HS3ST5: variants seen among roughly 807,000 people sequenced by gnomAD.
HS3ST5 encodes heparan sulfate glucosamine 3-O-sulfotransferase 5.
A neutral mutation model predicts 25.4 loss-of-function variants in HS3ST5; 10 were observed. The observed-to-expected ratio is 0.39, with a 90% confidence interval of 0.24 to 0.67. The LOEUF (loss-of-function observed/expected upper bound fraction) is 0.67. Ranked by LOEUF, HS3ST5 falls within the 30% of genes least tolerant of loss-of-function variation. HS3ST5 has a pLI of 0.44. For missense variants in HS3ST5, 324 were observed against 420.7 expected (o/e 0.77, Z 2.01); for synonymous variants, 170 against 162.4 (o/e 1.05, Z -0.36).
chr6:114,336,315 T>A (rs1411289986), intron 1 of HS3ST5, among the ~76,000 whole-genome samples: 2 of 152,164 alleles, frequency 1.3e-5, no homozygotes, highest in African/African-American at 4.8e-5. Context: ...TAGATAAAAT[T>A]ACTAAGAATT....
At chr6:114,132,637 A>G (rs77572141) in intron 3 of HS3ST5, among the ~76,000 whole-genome samples, 8,802 of 152,310 alleles carry the variant, frequency 0.058, 311 homozygotes, top group Non-Finnish European at 0.08. Context: ...AAGTGAAACA[A>G]AGGTTTTGGC....
intron 3 of HS3ST5, among the ~76,000 whole-genome samples, chr6:114,156,992 G>A (rs1413209768): frequency 2.0e-5 from 3 of 152,104 alleles, no homozygotes; most frequent in East Asian, 3.9e-4. Context: ...TGAACTCAAC[G>A]CTATTTATTC....
chr6:114,230,456 C>A (rs564136325), intron 1 of HS3ST5: 11 of 152,150 alleles, frequency 7.2e-5, no homozygotes, highest in African/African-American at 2.6e-4. Context: ...TACTATCTTC[C>A]CTTCATAAAT....
intron 3 of HS3ST5, among the ~76,000 whole-genome samples, chr6:114,141,247 A>T (rs1358843984): frequency 6.6e-6 from 1 of 152,234 alleles, no homozygotes; most frequent in Admixed American, 6.5e-5. Flanking sequence ...CAACGATTGA[A>T]ATGTAATCAC....
intron 3 of HS3ST5, among the ~76,000 whole-genome samples, chr6:114,099,240 A>G (rs1233104865): frequency 6.6e-6 from 1 of 152,168 alleles, no homozygotes; most frequent in African/African-American, 2.4e-5. Flanking sequence ...TGTTTTAAGA[A>G]GTACAAGTTA....
At chr6:114,139,818 G>A (rs1298020866) in intron 3 of HS3ST5, among the ~76,000 whole-genome samples, 3 of 152,170 alleles carry the variant, frequency 2.0e-5, no homozygotes, top group African/African-American at 7.2e-5. Flanking sequence ...GGAAATGGCA[G>A]TTACAAAATT....
chr6:114,284,856 C>G (rs973004201), intron 1 of HS3ST5, among the ~76,000 whole-genome samples: 1 of 151,796 alleles, frequency 6.6e-6, no homozygotes, highest in African/African-American at 2.4e-5. Context: ...AATTATTAAA[C>G]TTAATAAAAT....
chr6:114,340,601 A>G (rs1266491439), intron 1 of HS3ST5: 1 of 152,188 alleles, frequency 6.6e-6, no homozygotes, highest in Non-Finnish European at 1.5e-5. Context: ...GCAATGACCA[A>G]ACAGAGAGAG....
chr6:114,176,588 T>G (rs2115014902), intron 2 of HS3ST5, among the ~76,000 whole-genome samples: 1 of 152,290 alleles, frequency 6.6e-6, no homozygotes, highest in South Asian at 2.1e-4. Flanking sequence ...CAGGTTTAGA[T>G]GTCATTCAAC....
chr6:114,168,329 T>G (rs1200582912), intron 3 of HS3ST5, 22 bp downstream of exon 3: 3 of 152,150 alleles, frequency 2.0e-5, no homozygotes, highest in African/African-American at 7.2e-5. Context: ...CGAGAGCACG[T>G]AGAAGTCTTC....
At chr6:114,318,029 G>C (rs948760439) in intron 1 of HS3ST5, among the ~76,000 whole-genome samples, 1 of 151,994 alleles carries the variant, frequency 6.6e-6, no homozygotes, top group South Asian at 2.1e-4. Flanking sequence ...TAGCTCTTAC[G>C]CATACAACTG....
rs532290263 is a variant in HS3ST5, at chr6:114,205,900, G to A, written c.-145+22685C>T. On this transcript the variant is annotated intron_variant, in intron 2 of 4. Coordinates refer to ENST00000312719, the MANE Select transcript of HS3ST5 (RefSeq NM_153612.4). ...CAGGAGGTGGAGCTCAGGAGGTAAT[G>A]TTCACTTTCCCACCCCAAACCCCCA... Among the ~76,000 whole-genome samples the A allele has an allele frequency of 7.0e-4, 107 of 152,242 alleles. No homozygotes were observed. In the Middle Eastern group the frequency reaches 0.017, roughly 24 times the overall value.
At chr6:114,140,893 T>G (rs1777871520) in intron 3 of HS3ST5, among the ~76,000 whole-genome samples, 1 of 152,220 alleles carries the variant, frequency 6.6e-6, no homozygotes, top group South Asian at 2.1e-4. Context: ...TTTATTTCTT[T>G]CTGCTTCAGT....
At chr6:114,141,399 T>C (rs1777892146) in intron 3 of HS3ST5, among the ~76,000 whole-genome samples, 1 of 152,336 alleles carries the variant, frequency 6.6e-6, no homozygotes, top group East Asian at 1.9e-4. Context: ...AAATTCCATG[T>C]AATATTTATA....
chr6:114,146,377 G>A (rs1778163157), intron 3 of HS3ST5, among the ~76,000 whole-genome samples: 1 of 152,218 alleles, frequency 6.6e-6, no homozygotes, highest in South Asian at 2.1e-4. Context: ...GAAAGTAGAA[G>A]TCTGGCCCAT....
chr6:114,066,967 G>A (rs1018823671), intron 3 of HS3ST5, among the ~76,000 whole-genome samples: 13 of 152,196 alleles, frequency 8.5e-5, no homozygotes. Flanking sequence ...TGAGGTCCCA[G>A]TGTGGACAGT....
At chr6:114,215,969 C>G (rs1029582085) in intron 2 of HS3ST5, among the ~76,000 whole-genome samples, 8 of 152,122 alleles carry the variant, frequency 5.3e-5, no homozygotes, top group East Asian at 1.9e-4. Flanking sequence ...ATTTCAGTTC[C>G]ATACTGCATC....
At chr6:114,321,402 A>G (rs984282499) in intron 1 of HS3ST5, among the ~76,000 whole-genome samples, 2 of 152,128 alleles carry the variant, frequency 1.3e-5, no homozygotes, top group East Asian at 1.9e-4. Context: ...AGCCTGGTGA[A>G]CAGCTCTGGC....
At chr6:114,239,137 CT>C (rs1771989526) in intron 1 of HS3ST5, 1 of 152,138 alleles carries the variant, frequency 6.6e-6, no homozygotes, top group Non-Finnish European at 1.5e-5. Flanking sequence ...AATTTGTGAG[CT>C]TTTACACTTT....
Sources: allele counts gnomAD v4.1 joint callset (sites outside exome capture counted in the v4.1 genomes callset), GRCh38; gene constraint gnomAD v4.1.1; transcripts MANE v1.5; gene names NCBI Gene and HGNC (gene_info 2026-07-23, HGNC 2026-07-21).